The following CFAP46 variants were observed in gnomAD, a reference collection of about 807,000 sequenced individuals.
CFAP46 encodes the protein cilia- and flagella-associated protein 46.
CFAP46 carries 245 observed loss-of-function variants against 325.7 expected under a neutral mutation model. The ratio of observed to expected loss-of-function variants is 0.75; its 90% CI spans 0.68 to 0.84. CFAP46 has a LOEUF of 0.84. Among genes scored for constraint, CFAP46 ranks in the 40% least tolerant of loss-of-function variants. CFAP46 has a pLI of 0.00. For synonymous variants in CFAP46, 1,523 were observed against 1,495.9 expected (o/e 1.02, Z -0.42); for missense variants, 3,346 against 3,543.0 (o/e 0.94, Z 1.41).
intron 57 of CFAP46, among the ~76,000 whole-genome samples, chr10:132,809,743 G>A (rs944183054): frequency 1.3e-5 from 2 of 152,176 alleles, no homozygotes; most frequent in African/African-American, 4.8e-5. Context: ...GGAGGGTTTT[G>A]CTGACTCTGA....
In CFAP46 at chr10:132,850,343, G is replaced by C; in HGVS notation, c.5853C>G (p.Ile1951Met). The part of the protein sequence containing the change: ...LQPLSVGCVE[I>M]RARLLGLAGR... Reference sequence around the variant, plus strand: ...CGGCCAGGCCCAGGAGCCGGGCGCGGATCTCCACACAGCCCACGCTCAGCG... The same window carrying C: ...CGGCCAGGCCCAGGAGCCGGGCGCGCATCTCCACACAGCCCACGCTCAGCG... The change falls in exon 41 of 58, where the codon ATC becomes ATG. Residue 1951 changes from isoleucine (I) to methionine (M), a missense_variant. By Grantham distance (10) the Ile-to-Met change is conservative (BLOSUM62 1). Transcript: ENST00000368586. The C allele has an allele frequency of 6.4e-7, 1 of 1,558,430 alleles. No individual in the cohort carries two copies. Among genetic ancestry groups the C allele is most frequent in the African/African-American group, 1.4e-5 (1 of 73,536 alleles).
chr10:132,916,353 A>C (rs61863092), intron 17 of CFAP46, among the ~76,000 whole-genome samples, 196 bp downstream of exon 17: 7,142 of 152,278 alleles, frequency 0.047, 234 homozygotes, highest in Middle Eastern at 0.082. Flanking sequence ...GACGGCTAAA[A>C]ACAGGAGAGG....
chr10:132,911,747 AC>A (rs1051200033), intron 19 of CFAP46, among the ~76,000 whole-genome samples: 6 of 152,180 alleles, frequency 3.9e-5, no homozygotes, highest in African/African-American at 1.4e-4. Context: ...GGATCGTCCC[AC>A]ACACTGGGTC....
Position 132,922,489 on chromosome 10 carries a change from G to C in CFAP46, c.1476C>G (p.Ala492=). The C allele has an allele frequency of 6.5e-7, 1 of 1,533,388 alleles. No individual in the cohort carries two copies. The highest frequency in any genetic ancestry group is 8.8e-7 in the Non-Finnish European group (1 of 1,136,904). The allele number at this position is 1,533,388 out of a possible 1,614,324, so 95.0% of individuals were successfully genotyped here. A position where few individuals can be genotyped will look rare whatever the true frequency, so the allele number is the denominator to read the frequency against. ...PERAEDKAIM[A]VEQAKKATPK... ...TTCCCCGGGGCGGCACCTGCTCAACGGCCATGATGGCCTTGTCCTCTGCGC... is the reference window on the plus strand; with the variant it reads ...TTCCCCGGGGCGGCACCTGCTCAACCGCCATGATGGCCTTGTCCTCTGCGC... Residue 492 remains alanine, a synonymous_variant, in exon 12 of 58, where the codon GCC becomes GCG. Transcript: ENST00000368586.
chr10:132,841,328 C>T (rs1848342769), intron 44 of CFAP46, among the ~76,000 whole-genome samples: 2 of 152,242 alleles, frequency 1.3e-5, no homozygotes, highest in South Asian at 4.1e-4. Context: ...AAGCCCCAAC[C>T]CCACAGGGCT....
At chr10:132,833,923 TG>T in intron 49 of CFAP46, 117 bp downstream of exon 49, 1 of 876,070 alleles carries the variant, frequency 1.1e-6, no homozygotes, top group Non-Finnish European at 1.8e-6. Flanking sequence ...GCAGGGCTTG[TG>T]GGACTCCTGG....
At chr10:132,870,696 G>A (rs1848885218) in intron 32 of CFAP46, among the ~76,000 whole-genome samples, 1 of 152,226 alleles carries the variant, frequency 6.6e-6, no homozygotes, top group Non-Finnish European at 1.5e-5. Flanking sequence ...GGAAGCTGCA[G>A]AAGAAGTTTG....
chr10:132,903,935 T>G (rs113936545), intron 22 of CFAP46, among the ~76,000 whole-genome samples: 2 of 152,348 alleles, frequency 1.3e-5, no homozygotes, highest in African/African-American at 4.8e-5. Context: ...TCCTTGACAC[T>G]AATAGCATAA....
chr10:132,874,408 C>A (rs9419414), intron 31 of CFAP46, among the ~76,000 whole-genome samples: 3,762 of 54,370 alleles, frequency 0.069, 83 homozygotes, highest in South Asian at 0.13. Flanking sequence ...AAATTATTAG[C>A]GAATAGAAAT....
chr10:132,882,667 G>A (rs1027466312), intron 27 of CFAP46, among the ~76,000 whole-genome samples: 1 of 151,952 alleles, frequency 6.6e-6, no homozygotes, highest in Non-Finnish European at 1.5e-5. Flanking sequence ...AGCTCAGGAC[G>A]TGCAGTGAGA....
At chr10:132,818,453 G>A (rs924099930) in intron 50 of CFAP46, among the ~76,000 whole-genome samples, 4 of 152,134 alleles carry the variant, frequency 2.6e-5, no homozygotes, top group South Asian at 2.1e-4. Context: ...ACAGCTAACA[G>A]TGAAAAGCAC....
rs935792149 is a variant in CFAP46, at chr10:132,939,440, C to T, written c.372-687G>A. ...GGAATCCGGGCCCATCTGCCCTTCTCACTCTAGGGCCACTCCACAGTGGGG... is the reference window on the plus strand; with the variant it reads ...GGAATCCGGGCCCATCTGCCCTTCTTACTCTAGGGCCACTCCACAGTGGGG... On this transcript the variant is annotated intron_variant, in intron 4 of 57. Transcript: ENST00000368586. The surrounding 1 kb of genome is among the most constrained non-coding windows in gnomAD (Gnocchi z 4.6). Among the ~76,000 whole-genome samples the T allele has an allele frequency of 5.3e-5, 8 of 152,178 alleles. No homozygotes were observed. Among genetic ancestry groups the T allele is most frequent in the Non-Finnish European group, 1.2e-4 (8 of 68,016 alleles).
At chr10:132,902,546 G>A (rs1038959632) in intron 22 of CFAP46, among the ~76,000 whole-genome samples, 8 of 152,222 alleles carry the variant, frequency 5.3e-5, no homozygotes, top group Non-Finnish European at 1.2e-4. Flanking sequence ...TATTTCCATT[G>A]AAAATCTGAT....
chr10:132,912,011 G>A (rs1849547031), intron 19 of CFAP46, among the ~76,000 whole-genome samples: 1 of 152,008 alleles, frequency 6.6e-6, no homozygotes, highest in Non-Finnish European at 1.5e-5. Context: ...AAGGCAGTTT[G>A]CTCTCCCAGG....
intron 22 of CFAP46, among the ~76,000 whole-genome samples, chr10:132,901,126 C>T (rs1000439944): frequency 1.3e-5 from 2 of 152,202 alleles, no homozygotes; most frequent in African/African-American, 4.8e-5. Context: ...GTCTCCCGTA[C>T]GTAGTTTATC....
chr10:132,861,498 C>T (rs1848720765), intron 35 of CFAP46, among the ~76,000 whole-genome samples: 1 of 152,308 alleles, frequency 6.6e-6, no homozygotes, highest in African/African-American at 2.4e-5. Context: ...CCGCTTGGGG[C>T]GAAAGGCTTC....
chr10:132,900,763 G>C (rs1324760180), intron 22 of CFAP46, among the ~76,000 whole-genome samples: 1 of 152,246 alleles, frequency 6.6e-6, no homozygotes, highest in Non-Finnish European at 1.5e-5. Flanking sequence ...TGCAGTTGTT[G>C]AGTGTTCCAT....
chr10:132,909,061 C>T (rs946651593), intron 21 of CFAP46, 76 bp downstream of exon 21: 1 of 1,098,442 alleles, frequency 9.1e-7, no homozygotes, highest in Non-Finnish European at 1.3e-6. Flanking sequence ...GGCTCGAGTT[C>T]CAGCCACCTA....
At chr10:132,896,568 G>A (rs1849323758) in intron 24 of CFAP46, among the ~76,000 whole-genome samples, 1 of 152,168 alleles carries the variant, frequency 6.6e-6, no homozygotes, top group South Asian at 2.1e-4. Flanking sequence ...AACTATAAAA[G>A]GTTGCTGAAA....
Sources: allele counts gnomAD v4.1 joint callset (sites outside exome capture counted in the v4.1 genomes callset), GRCh38; gene constraint gnomAD v4.1.1; non-coding constraint Gnocchi (gnomAD v3.1); transcripts MANE v1.5; gene names NCBI Gene and HGNC (gene_info 2026-07-23, HGNC 2026-07-21).